The following CSMD1 variants were observed in gnomAD, a reference collection of about 807,000 sequenced individuals.
CSMD1 encodes the protein CUB and sushi domain-containing protein 1.
In CSMD1, 213 loss-of-function variants were observed where a neutral mutation model predicts 417.5. The ratio of observed to expected loss-of-function variants is 0.51; its 90% CI spans 0.46 to 0.57. The LOEUF is 0.57. Ranked by LOEUF, CSMD1 falls within the 20% of genes least tolerant of loss-of-function variation. CSMD1 has a pLI of 0.00. For missense variants in CSMD1, 6,923 were observed against 4,529.7 expected, an observed-to-expected ratio of 1.53 and a Z score of -15.17; for synonymous variants, 2,862 against 1,736.8, an observed-to-expected ratio of 1.65 and a Z score of -16.11.
chr8:3,201,533 G>A (rs1284888194), intron 32 of CSMD1, 79 bp downstream of exon 32: 2 of 665,728 alleles, frequency 3.0e-6, no homozygotes, highest in Admixed American at 3.3e-5. Context: ...TCAAAACAAA[G>A]CAAAAGAAAC....
At chr8:3,932,212 T>C (rs754459889) in intron 5 of CSMD1, among the ~76,000 whole-genome samples, 1 of 150,448 alleles carries the variant, frequency 6.6e-6, no homozygotes, top group Non-Finnish European at 1.5e-5. Context: ...TGGTCCCATA[T>C]CATGTTACTG....
At chr8:4,039,558 G>T (rs1034025340) in intron 3 of CSMD1, among the ~76,000 whole-genome samples, 4 of 152,154 alleles carry the variant, frequency 2.6e-5, no homozygotes, top group African/African-American at 4.8e-5. Flanking sequence ...GACCTCCCAG[G>T]AGGTGGCAGT....
At chr8:4,937,932 C>A (rs1585367329) in intron 1 of CSMD1, among the ~76,000 whole-genome samples, 1 of 152,116 alleles carries the variant, frequency 6.6e-6, no homozygotes, top group Non-Finnish European at 1.5e-5. Context: ...ACCTACTTAT[C>A]TAAATTTTGT....
At position 3,205,504 on chromosome 8, in the gene CSMD1, C is replaced by A. The variant is rs767171449; in HGVS notation, c.4984G>T (p.Val1662Leu). 1 of 1,437,612 alleles carries A rather than the reference C, an allele frequency of 7.0e-7. No homozygotes were observed. The highest frequency in any genetic ancestry group is 1.2e-5 in the South Asian group (1 of 80,544). 89.1% of individuals were successfully genotyped at this position (1,437,612 alleles called of 1,614,324 possible). A position where few individuals can be genotyped will look rare whatever the true frequency, so the allele number is the denominator to read the frequency against. Residue 1662 changes from valine (V) to leucine (L), a missense_variant and splice_region_variant, in exon 31 of 70, where the codon GTG becomes TTG. Transcript: ENST00000635120. ...LYSITVPKEFVVFGQFAYFQT... is the reference protein window; with the variant it reads ...LYSITVPKEFLVFGQFAYFQT... ...ATTAAAAATACAAGGACATCCTTAC[C>A]GAATTCCTTTGGTACCGTGATGGAA... is the stretch of plus-strand genomic sequence containing the variant.
chr8:3,237,563 A>ATATAAATATAATTTTTATACTTATAC (rs201494657), intron 26 of CSMD1, among the ~76,000 whole-genome samples: 4 of 140,280 alleles, frequency 2.9e-5, no homozygotes, highest in Non-Finnish European at 4.6e-5. Flanking sequence ...ACAACTTTGC[A>ATATAAATATAATTTTTATACTTATAC]TATAAATATA....
intron 5 of CSMD1, among the ~76,000 whole-genome samples, chr8:3,959,539 G>A (rs549361088): frequency 6.6e-6 from 1 of 152,114 alleles, no homozygotes. Context: ...ACGAAAGAAA[G>A]AAAAGAGAGA....
intron 1 of CSMD1, among the ~76,000 whole-genome samples, chr8:4,682,160 G>A (rs1208116042): frequency 6.6e-6 from 1 of 151,962 alleles, no homozygotes; most frequent in Non-Finnish European, 1.5e-5. Context: ...CTGGATAACT[G>A]GGACTACAGG....
At chr8:3,103,602 C>G (rs753891432) in intron 46 of CSMD1, among the ~76,000 whole-genome samples, 1 of 152,094 alleles carries the variant, frequency 6.6e-6, no homozygotes, top group South Asian at 2.1e-4. Context: ...CTTACAGGAC[C>G]ACATTTATCT....
chr8:3,579,480 C>A (rs191713841), intron 9 of CSMD1, among the ~76,000 whole-genome samples: 1 of 152,218 alleles, frequency 6.6e-6, no homozygotes, highest in South Asian at 2.1e-4. Context: ...TTTCAGGAGT[C>A]GCATTAGAAG....
At chr8:3,128,603 T>C (rs1201468771) in intron 41 of CSMD1, 7 of 302,656 alleles carry the variant, frequency 2.3e-5, no homozygotes, top group East Asian at 1.7e-4. Context: ...TTAAGTGTCA[T>C]CTTATCAATT....
chr8:4,033,764 G>C (rs905903034), intron 3 of CSMD1, among the ~76,000 whole-genome samples: 1 of 151,942 alleles, frequency 6.6e-6, no homozygotes, highest in African/African-American at 2.4e-5. Context: ...TGTTCTTTTT[G>C]GTCCTCTCAC....
chr8:3,343,537 G>A, intron 22 of CSMD1, 87 bp from the exon 23 acceptor site: 1 of 1,215,282 alleles, frequency 8.2e-7, no homozygotes, highest in Non-Finnish European at 1.2e-6. Context: ...AATCTTCAAA[G>A]ATGCAGTTTT....
chr8:3,809,876 C>T (rs919296960), intron 5 of CSMD1, among the ~76,000 whole-genome samples: 9 of 152,114 alleles, frequency 5.9e-5, no homozygotes, highest in South Asian at 2.1e-4. Context: ...CAATATCACC[C>T]GTTACGTACC....
intron 3 of CSMD1, among the ~76,000 whole-genome samples, chr8:4,375,695 T>G (rs919331962): frequency 6.6e-6 from 1 of 152,186 alleles, no homozygotes; most frequent in Admixed American, 6.6e-5. Flanking sequence ...GAGGGGTAAT[T>G]AAAGGTCTGC....
chr8:3,018,692 C>G, intron 51 of CSMD1, 42 bp from the exon 52 acceptor site: 1 of 1,541,362 alleles, frequency 6.5e-7, no homozygotes, highest in Non-Finnish European at 8.9e-7. Flanking sequence ...TTCAGTTATG[C>G]AGATTACTCC....
intron 18 of CSMD1, among the ~76,000 whole-genome samples, chr8:3,369,774 G>C (rs270095): frequency 6.6e-6 from 1 of 152,114 alleles, no homozygotes; most frequent in African/African-American, 2.4e-5. Context: ...TGGAAAAAAA[G>C]AAGAGAAAGT....
chr8:3,045,491 G>C (rs1395551520), intron 50 of CSMD1, among the ~76,000 whole-genome samples: 1 of 152,154 alleles, frequency 6.6e-6, no homozygotes, highest in Non-Finnish European at 1.5e-5. Context: ...CCTGTGAACT[G>C]CAAGAGACCC....
chr8:3,120,703 CA>C (rs375928627), intron 41 of CSMD1, among the ~76,000 whole-genome samples: 4 of 138,294 alleles, frequency 2.9e-5, no homozygotes, highest in South Asian at 4.4e-4. Context: ...AAAAATTAGC[CA>C]GGGGGGGTGA....
chr8:4,498,231 C>G (rs1802074561), intron 2 of CSMD1, among the ~76,000 whole-genome samples: 1 of 152,154 alleles, frequency 6.6e-6, no homozygotes, highest in Admixed American at 6.5e-5. Flanking sequence ...TGTTGGCTGA[C>G]TCAACTCTTG....
Sources: allele counts gnomAD v4.1 joint callset (sites outside exome capture counted in the v4.1 genomes callset), GRCh38; gene constraint gnomAD v4.1.1; transcripts MANE v1.5; gene names NCBI Gene and HGNC (gene_info 2026-07-23, HGNC 2026-07-21).